ANXA8: variants seen among roughly 807,000 people sequenced by gnomAD.
ANXA8 encodes VAC-beta.
ANXA8 carries 9 observed loss-of-function variants against 26.8 expected under a neutral mutation model. That is an observed-to-expected ratio of 0.34 (90% CI 0.20 to 0.59). ANXA8 has a LOEUF of 0.59. Among genes scored for constraint, ANXA8 ranks in the 20% least tolerant of loss-of-function variants. ANXA8 has a pLI of 0.84. For missense variants in ANXA8, 83 were observed against 238.5 expected (o/e 0.35, Z 4.29); for synonymous variants, 39 against 94.8 (o/e 0.41, Z 3.42).
chr10:47,533,223 A>ACACACC, the ANXA8 span, among the ~76,000 whole-genome samples: 18 of 139,202 alleles, frequency 1.3e-4, 1 homozygote, highest in African/African-American at 2.8e-4. Flanking sequence ...ACACACACAC[A>ACACACC]CCCCCGCAGA....
upstream of ANXA8, among the ~76,000 whole-genome samples, chr10:47,488,713 A>ATTTTTTTTTTTTTTTTTTTTTT: frequency 1.6e-5 from 1 of 62,108 alleles, no homozygotes; most frequent in Non-Finnish European, 2.7e-5. Context: ...TACATGTTAA[A>ATTTTTTTTTTTTTTTTTTTTTT]TTTTTTTTTT....
At chr10:47,559,698 TA>T in the ANXA8 span, among the ~76,000 whole-genome samples, 1 of 145,432 alleles carries the variant, frequency 6.9e-6, no homozygotes, top group Middle Eastern at 3.6e-3. Context: ...TTTCTAGAAT[TA>T]AAAACGTGTG....
At chr10:47,552,168 GGTTAA>G in the ANXA8 span, among the ~76,000 whole-genome samples, 1 of 151,840 alleles carries the variant, frequency 6.6e-6, no homozygotes, top group African/African-American at 2.4e-5. Context: ...TACATTCTAT[GGTTAA>G]GTTACTTTTT....
chr10:47,949,612 T>C, the ANXA8 span, among the ~76,000 whole-genome samples: 3 of 150,770 alleles, frequency 2.0e-5, no homozygotes, highest in Admixed American at 1.3e-4. Context: ...TATGTAATGA[T>C]AGCATGATGG....
chr10:47,700,492 G>T, the ANXA8 span, among the ~76,000 whole-genome samples: 1 of 151,758 alleles, frequency 6.6e-6, no homozygotes, highest in Non-Finnish European at 1.5e-5. Flanking sequence ...ACAACAAACA[G>T]TAATAAACAC....
chr10:47,528,944 C>A, the ANXA8 span, among the ~76,000 whole-genome samples: 2 of 135,348 alleles, frequency 1.5e-5, no homozygotes, highest in South Asian at 5.0e-4. Flanking sequence ...CTAGAGGCTA[C>A]AATCTGCATT....
chr10:47,958,829 A>T, the ANXA8 span, among the ~76,000 whole-genome samples: 3 of 149,568 alleles, frequency 2.0e-5, no homozygotes, highest in Admixed American at 1.3e-4. Context: ...AAGCCATCAG[A>T]TCTCACGAGA....
chr10:47,700,460 G>T, the ANXA8 span, among the ~76,000 whole-genome samples: 1 of 151,684 alleles, frequency 6.6e-6, no homozygotes, highest in Non-Finnish European at 1.5e-5. Flanking sequence ...TTGGAAAAAA[G>T]GGAAAATTGG....
the ANXA8 span, among the ~76,000 whole-genome samples, chr10:47,493,018 G>T: frequency 6.6e-6 from 1 of 151,360 alleles, no homozygotes. Context: ...TGGTGTTTGC[G>T]GGCTCCAGGG....
chr10:47,975,026 T>C, the ANXA8 span, among the ~76,000 whole-genome samples: 1 of 149,962 alleles, frequency 6.7e-6, no homozygotes, highest in Non-Finnish European at 1.5e-5. Context: ...AGACAAGATG[T>C]GTCTGGATTA....
At chr10:47,700,390 G>C in the ANXA8 span, among the ~76,000 whole-genome samples, 1 of 151,946 alleles carries the variant, frequency 6.6e-6, no homozygotes, top group East Asian at 1.9e-4. Context: ...ATAGTATCTG[G>C]AATCAGTGAG....
At chr10:47,899,572 C>T in the ANXA8 span, among the ~76,000 whole-genome samples, 76 of 52,450 alleles carry the variant, frequency 1.4e-3, 13 homozygotes, top group South Asian at 0.03. Flanking sequence ...TGCAGTGGCA[C>T]GATCTCAGCT....
the ANXA8 span, among the ~76,000 whole-genome samples, chr10:47,970,791 G>A: frequency 4.0e-5 from 6 of 151,446 alleles, no homozygotes; most frequent in South Asian, 2.1e-4. Flanking sequence ...TTCTGGGACC[G>A]TAATGGACAA....
chr10:47,593,213 T>C, the ANXA8 span, among the ~76,000 whole-genome samples: 91,777 of 143,158 alleles, frequency 0.64, 29,132 homozygotes, highest in South Asian at 0.76. Context: ...CTCTGGAGAG[T>C]TGTGTGTCCC....
At chr10:47,578,113 C>T in the ANXA8 span, among the ~76,000 whole-genome samples, 1 of 60,094 alleles carries the variant, frequency 1.7e-5, no homozygotes, top group Non-Finnish European at 4.2e-5. Flanking sequence ...GTCAGGAGTT[C>T]GAGACCAGCC....
chr10:47,650,761 C>T, the ANXA8 span, among the ~76,000 whole-genome samples: 9 of 143,378 alleles, frequency 6.3e-5, no homozygotes, highest in South Asian at 2.2e-4. Context: ...GAGTGGAGAT[C>T]GCACCACTGC....
chr10:47,555,761 C>T, the ANXA8 span, among the ~76,000 whole-genome samples: 5,592 of 151,562 alleles, frequency 0.037, 84 homozygotes, highest in African/African-American at 0.047. Flanking sequence ...GCAGGACACC[C>T]GGTTTGTATC....
At chr10:47,976,608 C>A in the ANXA8 span, among the ~76,000 whole-genome samples, 2 of 147,116 alleles carry the variant, frequency 1.4e-5, no homozygotes, top group African/African-American at 2.5e-5. Flanking sequence ...GCTGTGAAAA[C>A]CAGCAGCCTG....
chr10:47,516,527 C>T, the ANXA8 span, among the ~76,000 whole-genome samples: 34 of 134,974 alleles, frequency 2.5e-4, 5 homozygotes, highest in South Asian at 7.1e-4. Context: ...CAACTAGAGA[C>T]GATAACAGGA....
Sources: gnomAD v4.1 joint callset for allele counts (sites outside exome capture counted in the v4.1 genomes callset) on GRCh38, gnomAD v4.1.1 for gene constraint, MANE v1.5 for transcripts, NCBI Gene and HGNC (gene_info 2026-07-23, HGNC 2026-07-21) for gene names.